The following TBC1D5 variants were observed in gnomAD, a reference collection of about 807,000 sequenced individuals.
TBC1D5 encodes the protein TBC1 domain family member 5.
TBC1D5 carries 75 observed loss-of-function variants against 100.3 expected under a neutral mutation model. That is an observed-to-expected ratio of 0.75 (90% CI 0.62 to 0.91). The LOEUF is 0.91. Ranked by LOEUF, TBC1D5 falls within the 40% of genes least tolerant of loss-of-function variation. TBC1D5 has a pLI of 0.00. For missense variants in TBC1D5, 910 were observed against 942.4 expected, an observed-to-expected ratio of 0.97 and a Z score of 0.45; for synonymous variants, 323 against 325.6, an observed-to-expected ratio of 0.99 and a Z score of 0.09.
At chr3:17,404,851 T>G in intron 6 of TBC1D5, 21 bp downstream of exon 6, 1 of 1,540,080 alleles carries the variant, frequency 6.5e-7, no homozygotes, top group East Asian at 2.3e-5. Flanking sequence ...ATTACATTAA[T>G]TAAATATACT....
intron 4 of TBC1D5, among the ~76,000 whole-genome samples, chr3:17,422,804 G>T (rs983866451): frequency 6.6e-6 from 1 of 151,874 alleles, no homozygotes; most frequent in Non-Finnish European, 1.5e-5. Flanking sequence ...AAACTTGAAG[G>T]CTAATTTTTC....
rs905982246 is a variant in TBC1D5 at position 17,517,005 on chromosome 3, C to A, written c.-35-8400G>T. On this transcript the variant is annotated intron_variant, in intron 2 of 21. Transcript: ENST00000253692. Reference sequence around the variant, plus strand: ...CTTCATATCATTCAGGTTATCTGCCCAAATTCAACCAGCACAGAAATGTTT... The same window carrying A: ...CTTCATATCATTCAGGTTATCTGCCAAAATTCAACCAGCACAGAAATGTTT... Among the ~76,000 whole-genome samples, 12 of 152,300 alleles carry A rather than the reference C, an allele frequency of 7.9e-5. No homozygotes were observed. The South Asian group carries it at 1.4e-3, about 18-fold the overall frequency.
intron 1 of TBC1D5, among the ~76,000 whole-genome samples, chr3:17,717,614 C>T (rs1422840598): frequency 1.3e-5 from 2 of 152,170 alleles, no homozygotes; most frequent in African/African-American, 2.4e-5. Context: ...TGGCCTGTTG[C>T]TCCTCCTGGT....
chr3:17,214,714 C>T (rs1423770478), intron 17 of TBC1D5, among the ~76,000 whole-genome samples: 1 of 151,282 alleles, frequency 6.6e-6, no homozygotes, highest in Non-Finnish European at 1.5e-5. Context: ...TGGAATAATC[C>T]CTTAATTACA....
chr3:17,193,050 C>T (rs2070167006), intron 18 of TBC1D5, among the ~76,000 whole-genome samples: 1 of 152,232 alleles, frequency 6.6e-6, no homozygotes, highest in Non-Finnish European at 1.5e-5. Flanking sequence ...TAGTTTCCCC[C>T]AGAAACTTGG....
intron 8 of TBC1D5, among the ~76,000 whole-genome samples, chr3:17,398,723 C>T (rs889232215): frequency 1.4e-5 from 2 of 144,564 alleles, no homozygotes; most frequent in Non-Finnish European, 3.0e-5. Flanking sequence ...CTCTTAATGA[C>T]ACCAATAATC....
intron 1 of TBC1D5, among the ~76,000 whole-genome samples, chr3:17,690,677 C>G (rs973913915): frequency 2.6e-5 from 4 of 152,136 alleles, no homozygotes; most frequent in African/African-American, 7.2e-5. Context: ...CATAAGACTG[C>G]TAACCCTTTT....
At chr3:17,439,038 T>G (rs2094588349) in intron 3 of TBC1D5, among the ~76,000 whole-genome samples, 1 of 152,120 alleles carries the variant, frequency 6.6e-6, no homozygotes, top group Admixed American at 6.5e-5. Context: ...AATATTTATA[T>G]TTATCAAAAT....
chr3:17,384,083 C>T (rs1191517068), intron 8 of TBC1D5, 68 bp from the exon 9 acceptor site: 1 of 1,386,206 alleles, frequency 7.2e-7, no homozygotes, highest in Non-Finnish European at 1.0e-6. Flanking sequence ...AAATTCTCAT[C>T]TCGAAGACGT....
intron 13 of TBC1D5, among the ~76,000 whole-genome samples, chr3:17,343,327 A>G (rs1486230022): frequency 1.3e-5 from 2 of 151,878 alleles, no homozygotes; most frequent in Middle Eastern, 3.4e-3. Context: ...CCACTTGATC[A>G]TGGTGGATAA....
chr3:17,705,013 A>G (rs1436271036), intron 1 of TBC1D5, among the ~76,000 whole-genome samples: 1 of 98,814 alleles, frequency 1.0e-5, no homozygotes, highest in Admixed American at 1.0e-4. Context: ...TGACCCCCCC[A>G]CCTCCCTCCC....
At chr3:17,168,633 C>T (rs2066878061) in intron 19 of TBC1D5, among the ~76,000 whole-genome samples, 1 of 152,130 alleles carries the variant, frequency 6.6e-6, no homozygotes, top group African/African-American at 2.4e-5. Context: ...AAAGCCTAGT[C>T]TCCCGGGGAA....
At position 17,587,173 on chromosome 3, in the gene TBC1D5, C is replaced by T. The variant is rs147895572; in HGVS notation, c.-36+36676G>A. On this transcript the variant is annotated intron_variant, in intron 2 of 21. Coordinates refer to ENST00000253692, the Ensembl canonical transcript of TBC1D5. Reference sequence around the variant, plus strand: ...TAATACACCTCCATAAATAATCATACACACAGATATATTTACATAAAATCT... The same window carrying T: ...TAATACACCTCCATAAATAATCATATACACAGATATATTTACATAAAATCT... Among the ~76,000 whole-genome samples the T allele has an allele frequency of 4.9e-3, 743 of 151,892 alleles. 3 individuals are homozygous for T. The highest frequency in any genetic ancestry group is 0.017 in the African/African-American group (700 of 41,496).
chr3:17,420,616 A>G (rs144605775), intron 4 of TBC1D5, among the ~76,000 whole-genome samples: 179 of 152,300 alleles, frequency 1.2e-3, no homozygotes, highest in Non-Finnish European at 2.1e-3. Flanking sequence ...TCTATTTTTG[A>G]ACCCTAATTC....
At chr3:17,404,171 C>T (rs1441264209) in intron 7 of TBC1D5, among the ~76,000 whole-genome samples, 1 of 151,934 alleles carries the variant, frequency 6.6e-6, no homozygotes, top group East Asian at 1.9e-4. Flanking sequence ...GGTAAATAGG[C>T]AAAAATTAGA....
At chr3:17,244,025 T>G (rs2076523231) in intron 16 of TBC1D5, among the ~76,000 whole-genome samples, 3 of 152,108 alleles carry the variant, frequency 2.0e-5, no homozygotes, top group Admixed American at 2.0e-4. Context: ...AGGGATGCCA[T>G]GAAGGAAAGC....
rs552792308 is a variant in TBC1D5 at position 17,530,962 on chromosome 3, T to C, written c.-35-22357A>G. Among the ~76,000 whole-genome samples, 1,250 of 152,250 alleles carry C rather than the reference T, an allele frequency of 8.2e-3. 18 individuals are homozygous for C. Among genetic ancestry groups the C allele is most frequent in the African/African-American group, 0.026 (1,088 of 41,534 alleles). Reference sequence around the variant, plus strand: ...CCTCTCTCACCACTCTTATTCAACATAGTGTTGGAAGTTCTGGCCAGGGCA... The same window carrying C: ...CCTCTCTCACCACTCTTATTCAACACAGTGTTGGAAGTTCTGGCCAGGGCA... On this transcript the variant is annotated intron_variant, in intron 2 of 21. Coordinates refer to ENST00000253692, the Ensembl canonical transcript of TBC1D5.
At chr3:17,535,965 C>A (rs1010666086) in intron 2 of TBC1D5, among the ~76,000 whole-genome samples, 1 of 152,020 alleles carries the variant, frequency 6.6e-6, no homozygotes, top group East Asian at 1.9e-4. Flanking sequence ...TGTACAAGTA[C>A]CCACTAACAG....
intron 13 of TBC1D5, among the ~76,000 whole-genome samples, chr3:17,363,752 G>A (rs528275948): frequency 5.3e-5 from 8 of 151,740 alleles, no homozygotes; most frequent in African/African-American, 1.4e-4. Flanking sequence ...TTCACTATAT[G>A]TACTGGCCAT....
Sources: gnomAD v4.1 joint callset for allele counts (sites outside exome capture counted in the v4.1 genomes callset) on GRCh38, gnomAD v4.1.1 for gene constraint, MANE v1.5 for transcripts, NCBI Gene and HGNC (gene_info 2026-07-23, HGNC 2026-07-21) for gene names.